Variants in UFD1 observed in about 807,000 individuals in gnomAD.
UFD1 encodes ubiquitin recognition factor in ER associated degradation 1, also known as ubiquitin recognition factor in ER-associated degradation protein 1.
UFD1 carries 13 observed loss-of-function variants against 45.9 expected under a neutral mutation model. That is an observed-to-expected ratio of 0.28 (90% confidence interval 0.18 to 0.45). The LOEUF (loss-of-function observed/expected upper bound fraction) is 0.45, where lower values mean the gene tolerates loss of function less well. Among genes scored for constraint, UFD1 ranks in the 20% least tolerant of loss-of-function variants. The pLI is 1.00. For missense variants in UFD1, 218 were observed against 389.2 expected (o/e 0.56, Z 3.70); for synonymous variants, 128 against 139.2 (o/e 0.92, Z 0.56).
chr22:19,474,127 C>A (rs1337827363), intron 3 of UFD1, among the ~76,000 whole-genome samples: 1 of 152,146 alleles, frequency 6.6e-6, no homozygotes, highest in Non-Finnish European at 1.5e-5. Context: ...ACTCTTAGAA[C>A]CCCTGTGGGC....
At chr22:19,457,495 G>A (rs956367275) in intron 7 of UFD1, among the ~76,000 whole-genome samples, 1 of 152,204 alleles carries the variant, frequency 6.6e-6, no homozygotes, top group Non-Finnish European at 1.5e-5. Flanking sequence ...AGAAGGTTCA[G>A]TACGCTTCCT....
rs780339701 is a variant in UFD1 at position 19,471,729 on chromosome 22, C to T, written c.249G>A (p.Leu83=). The stretch of plus-strand genomic sequence containing the variant: ...AGATGCCCTCATCAGCCACAAACTC[C>T]AGCACGCCACAATGCGTCATGCGGT... The part of the protein sequence containing the change: ...NSDRMTHCGV[L]EFVADEGICY... Residue 83 remains leucine, a synonymous_variant, in exon 4 of 12, where the codon CTG becomes CTA. Transcript: ENST00000263202. The T allele has an allele frequency of 2.3e-5, 37 of 1,613,834 alleles. No individual in the cohort carries two copies. The highest frequency in any genetic ancestry group is 2.1e-4 in the South Asian group (19 of 91,068).
chr22:19,459,610 G>A (rs140961910), intron 6 of UFD1, among the ~76,000 whole-genome samples: 104 of 152,046 alleles, frequency 6.8e-4, no homozygotes, highest in African/African-American at 2.4e-3. Context: ...GCGAGACTCT[G>A]TGTCAAAAAC....
chr22:19,454,183 G>A (rs1569325812), intron 11 of UFD1: 1 of 987,078 alleles, frequency 1.0e-6, no homozygotes, highest in Non-Finnish European at 1.2e-6. Context: ...CAGAGCTCCT[G>A]ACCCCCATGC....
intron 6 of UFD1, among the ~76,000 whole-genome samples, chr22:19,459,735 C>CTTTT (rs35629488): frequency 6.7e-5 from 6 of 88,970 alleles, no homozygotes; most frequent in Non-Finnish European, 1.2e-4. Flanking sequence ...GTCTGTCTTG[C>CTTTT]TTTTTTTTTT....
rs2089710195 is a variant in UFD1, at chr22:19,454,773, A to G, written c.825T>C (p.Arg275=). ...CCTCTTCAACCTTTTTGACAAGGGGACGTGAATTTCTGATGAAAGTTATCT... is the reference window on the plus strand; with the variant it reads ...CCTCTTCAACCTTTTTGACAAGGGGGCGTGAATTTCTGATGAAAGTTATCT... ...LGKITFIRNS[R]PLVKKVEEDE... Residue 275 remains arginine (R), a synonymous_variant, in exon 11 of 12, where the codon CGT becomes CGC. Transcript: ENST00000263202. 6.2e-7 allele frequency: 1 copy of G among 1,614,002 alleles called. No individual in the cohort carries two copies. The highest frequency in any genetic ancestry group is 8.5e-7 in the Non-Finnish European group (1 of 1,180,012).
intron 1 of UFD1, among the ~76,000 whole-genome samples, chr22:19,478,381 C>G (rs1432214389): frequency 6.6e-6 from 1 of 152,200 alleles, no homozygotes; most frequent in Non-Finnish European, 1.5e-5. Flanking sequence ...TGCAGCCAGA[C>G]AGACTTGGCT....
chr22:19,478,836 T>C (rs2089917689), intron 1 of UFD1: 1 of 533,070 alleles, frequency 1.9e-6, no homozygotes, highest in East Asian at 3.4e-5. Flanking sequence ...TTCCTTTCTT[T>C]CGTCAAGGAG....
chr22:19,455,751 G>A lies in UFD1; in HGVS notation c.696C>T (p.Gly232=), dbSNP rs1373854060. 6.2e-7 allele frequency: 1 copy of A among 1,614,020 alleles called. No homozygotes were observed. The highest frequency in any genetic ancestry group is 1.1e-5 in the South Asian group (1 of 91,076). The change falls in exon 10 of 12, where the codon GGC becomes GGT. Residue 232 remains glycine, a synonymous_variant. Transcript: ENST00000263202. ...CTTTCTTCTTTCCATCCAGTCTATT[G>A]CCAGATCCAGAGAAAGCCTAGACAG... The part of the protein sequence containing the change: ...ELGFRAFSGS[G]NRLDGKKKGV...
At chr22:19,472,876 A>G (rs1038047936) in intron 3 of UFD1, among the ~76,000 whole-genome samples, 17 of 152,244 alleles carry the variant, frequency 1.1e-4, no homozygotes, top group Non-Finnish European at 2.4e-4. Context: ...TCAACCATCA[A>G]AGCAGAATTT....
At chr22:19,471,875 C>T in intron 3 of UFD1, 67 bp from the exon 4 acceptor site, 1 of 1,559,200 alleles carries the variant, frequency 6.4e-7, no homozygotes, top group South Asian at 1.2e-5. Context: ...CCCACGCCTT[C>T]CCATAGAAGG....
At position 19,471,757 on chromosome 22, in the gene UFD1, G is replaced by A. The variant is rs759098781; in HGVS notation, c.221C>T (p.Ser74Leu). Residue 74 changes from serine to leucine, a missense_variant, in exon 4 of 12, where the codon TCG (serine) becomes TTG (leucine). Around this residue, in one of 2 missense-constraint regions of UFD1, gnomAD observed 149 missense variants for 307.5 expected, o/e 0.48. Coordinates refer to ENST00000263202, the MANE Select transcript of UFD1 (RefSeq NM_005659.7). ...CACGCCACAATGCGTCATGCGGTCC[G>A]AATTCTTATTGGTCAGTTTGAACAG... ...PMLFKLTNKN[S>L]DRMTHCGVLE... 10 of 1,614,036 alleles carry A rather than the reference G, an allele frequency of 6.2e-6. No individual in the cohort carries two copies. The highest frequency in any genetic ancestry group is 3.3e-5 in the Admixed American group (2 of 60,006).
intron 5 of UFD1, 70 bp from the exon 6 acceptor site, chr22:19,465,344 G>T: frequency 7.5e-7 from 1 of 1,332,962 alleles, no homozygotes; most frequent in Non-Finnish European, 1.1e-6. Flanking sequence ...TTCCATGTTA[G>T]ATGATTACTG....
In UFD1 at chr22:19,454,801, C is replaced by G; in HGVS notation, c.797G>C (p.Gly266Ala). Residue 266 changes from glycine to alanine, a missense_variant, in exon 11 of 12, where the codon GGT (glycine) becomes GCT (alanine). Gly to Ala is a moderately conservative substitution (Grantham distance 60). Around this residue, in one of 2 missense-constraint regions of UFD1, gnomAD observed 69 missense variants for 81.7 expected, o/e 0.84. Coordinates refer to ENST00000263202, the MANE Select transcript of UFD1 (RefSeq NM_005659.7). Reference sequence around the variant, plus strand: ...TGAATTTCTGATGAAAGTTATCTTACCAAGTTTAAATTCATAATTGGGAAT... The same window carrying G: ...TGAATTTCTGATGAAAGTTATCTTAGCAAGTTTAAATTCATAATTGGGAAT... Reference protein sequence around the residue: ...RGIPNYEFKLGKITFIRNSRP... With the variant: ...RGIPNYEFKLAKITFIRNSRP... 6.2e-7 allele frequency: 1 copy of G among 1,613,886 alleles called. No individual in the cohort carries two copies.
At position 19,450,424 on chromosome 22, in the gene UFD1, G is replaced by C; in HGVS notation, c.*246C>G. The stretch of plus-strand genomic sequence containing the variant: ...CCCCTCAAGCTGAAAGCGTGAAGAG[G>C]TGAGGAGGCAGCTATCTACAGGCCC... On this transcript the variant is annotated 3_prime_UTR_variant, in exon 12 of 12. Transcript: ENST00000263202. 2.1e-6 allele frequency: 1 copy of C among 481,082 alleles called. No homozygotes were observed. Among genetic ancestry groups the C allele is most frequent in the South Asian group, 2.7e-5 (1 of 37,456 alleles). The allele number at this position is 481,082 out of a possible 1,614,324, so 29.8% of individuals were successfully genotyped here. A position where few individuals can be genotyped will look rare whatever the true frequency, so the allele number is the denominator to read the frequency against.
intron 3 of UFD1, among the ~76,000 whole-genome samples, chr22:19,472,946 C>T (rs953618762): frequency 1.3e-5 from 2 of 152,194 alleles, no homozygotes; most frequent in Admixed American, 1.3e-4. Context: ...GGAAGTAACG[C>T]AGATTCCATT....
At chr22:19,474,002 T>C (rs912308005) in intron 3 of UFD1, among the ~76,000 whole-genome samples, 7 of 152,092 alleles carry the variant, frequency 4.6e-5, no homozygotes, top group East Asian at 1.9e-4. Flanking sequence ...GCATCCTTGA[T>C]TGGGTTGTCC....
Position 19,456,608 on chromosome 22 carries a change from A to G in UFD1, c.657T>C (p.Tyr219=), listed in dbSNP as rs374027174. The change falls in exon 9 of 12, where the codon TAT becomes TAC. Residue 219 remains tyrosine, a synonymous_variant. Transcript: ENST00000263202. Reference sequence around the variant, plus strand: ...TCACGCGGAAGCCCAGCTCTCCAGCATAGCCACTGTGGTCGGCTTCACCTT... The same window carrying G: ...TCACGCGGAAGCCCAGCTCTCCAGCGTAGCCACTGTGGTCGGCTTCACCTT... ...STEGEADHSG[Y]AGELGFRAFS... The G allele has an allele frequency of 9.3e-6, 15 of 1,614,070 alleles. No individual in the cohort carries two copies. The highest frequency in any genetic ancestry group is 1.6e-4 in the Middle Eastern group (1 of 6,084).
intron 10 of UFD1, 41 bp downstream of exon 10, chr22:19,455,639 G>C: frequency 6.2e-7 from 1 of 1,601,210 alleles, no homozygotes. Context: ...GGCTGGCACA[G>C]ATCCTCCTCC....
Sources: allele counts gnomAD v4.1 joint callset (sites outside exome capture counted in the v4.1 genomes callset), GRCh38; gene constraint gnomAD v4.1.1; regional missense constraint gnomAD v4.1.1; transcripts MANE v1.5; gene names NCBI Gene and HGNC (gene_info 2026-07-23, HGNC 2026-07-21).